Variants in PPARGC1A observed in about 807,000 individuals in gnomAD.
PPARGC1A encodes the protein PPARG coactivator 1 alpha.
Under a neutral mutation model 88.7 loss-of-function variants are expected in PPARGC1A, and 25 were observed. The ratio of observed to expected loss-of-function variants is 0.28; its 90% CI spans 0.21 to 0.39. The LOEUF (loss-of-function observed/expected upper bound fraction) is 0.39, where lower values mean the gene tolerates loss of function less well. Ranked by LOEUF, PPARGC1A falls within the 10% of genes least tolerant of loss-of-function variation. The pLI is 1.00. For missense variants in PPARGC1A, 880 were observed against 968.7 expected, an observed-to-expected ratio of 0.91 and a Z score of 1.22; for synonymous variants, 363 against 355.6, an observed-to-expected ratio of 1.02 and a Z score of -0.24.
At chr4:23,829,370 G>C in intron 4 of PPARGC1A, 93 bp downstream of exon 4, 1 of 1,395,448 alleles carries the variant, frequency 7.2e-7, no homozygotes, top group South Asian at 1.3e-5. Flanking sequence ...CGGGGTCCCA[G>C]CTGAATTAAT....
intron 5 of PPARGC1A, among the ~76,000 whole-genome samples, chr4:23,826,601 C>A (rs914096923): frequency 2.0e-5 from 3 of 152,122 alleles, no homozygotes; most frequent in African/African-American, 7.2e-5. Flanking sequence ...CATGTATTTT[C>A]CGCATTTTGA....
At chr4:24,319,718 C>G in the PPARGC1A span, among the ~76,000 whole-genome samples, 40,187 of 152,014 alleles carry the variant, frequency 0.26, 5,587 homozygotes, top group African/African-American at 0.35. Context: ...TCTGCAGTTA[C>G]GGCTAATGTT....
At chr4:23,905,068 A>G (rs1359967840), upstream of PPARGC1A, among the ~76,000 whole-genome samples, 1 of 152,156 alleles carries the variant, frequency 6.6e-6, no homozygotes, top group Non-Finnish European at 1.5e-5. Flanking sequence ...CTTCTCAAAA[A>G]ACACTCGGAG....
chr4:24,044,542 G>T, the PPARGC1A span, among the ~76,000 whole-genome samples: 1 of 104,114 alleles, frequency 9.6e-6, no homozygotes, highest in African/African-American at 3.5e-5. Flanking sequence ...CAGCATTAAC[G>T]GGTTTCATTC....
chr4:24,387,814 A>AGAGAG, the PPARGC1A span, among the ~76,000 whole-genome samples: 2 of 107,984 alleles, frequency 1.9e-5, no homozygotes, highest in East Asian at 5.6e-4. Context: ...GAAAGAAAGA[A>AGAGAG]AGAAAGAAAG....
At chr4:24,376,780 C>T in the PPARGC1A span, among the ~76,000 whole-genome samples, 4 of 152,108 alleles carry the variant, frequency 2.6e-5, no homozygotes, top group African/African-American at 4.8e-5. Flanking sequence ...CCTACCTTTC[C>T]GTGATCACGT....
intron 1 of PPARGC1A, among the ~76,000 whole-genome samples, chr4:23,887,365 T>A (rs997529937): frequency 6.6e-6 from 1 of 152,230 alleles, no homozygotes; most frequent in African/African-American, 2.4e-5. Context: ...TATTAATTTA[T>A]ATTTGGCCTT....
the PPARGC1A span, among the ~76,000 whole-genome samples, chr4:24,139,119 T>C: frequency 6.6e-6 from 1 of 152,182 alleles, no homozygotes; most frequent in African/African-American, 2.4e-5. Flanking sequence ...CTAAGTTGCT[T>C]TTCTCCACTA....
chr4:23,984,468 C>T, the PPARGC1A span, among the ~76,000 whole-genome samples: 2,209 of 152,040 alleles, frequency 0.015, 57 homozygotes, highest in African/African-American at 0.051. Flanking sequence ...CCAAGGTTTC[C>T]GTATCATGTG....
intron 7 of PPARGC1A, among the ~76,000 whole-genome samples, chr4:23,821,652 T>C (rs904444878): frequency 6.6e-6 from 1 of 152,062 alleles, no homozygotes; most frequent in African/African-American, 2.4e-5. Context: ...TAATTAAATA[T>C]CTAATATTTA....
At chr4:24,040,229 C>T in the PPARGC1A span, among the ~76,000 whole-genome samples, 1 of 152,148 alleles carries the variant, frequency 6.6e-6, no homozygotes, top group East Asian at 1.9e-4. Context: ...CCAATCCAGC[C>T]ACATACACAC....
chr4:24,337,965 G>A, the PPARGC1A span, among the ~76,000 whole-genome samples: 2 of 152,232 alleles, frequency 1.3e-5, no homozygotes, highest in Non-Finnish European at 2.9e-5. Flanking sequence ...CTGCAGGGGT[G>A]GCTTTCCTAC....
At chr4:24,300,324 A>C in the PPARGC1A span, among the ~76,000 whole-genome samples, 1 of 44,998 alleles carries the variant, frequency 2.2e-5, no homozygotes, top group African/African-American at 7.1e-5. Context: ...ATACAATAGC[A>C]TTTTTTTTTT....
chr4:23,963,493 T>C, the PPARGC1A span, among the ~76,000 whole-genome samples: 9 of 152,190 alleles, frequency 5.9e-5, no homozygotes, highest in Non-Finnish European at 1.3e-4. Context: ...GTTACATGGG[T>C]ATTTAATGCC....
At chr4:24,208,682 A>AAAT in the PPARGC1A span, among the ~76,000 whole-genome samples, 20 of 135,000 alleles carry the variant, frequency 1.5e-4, no homozygotes, top group African/African-American at 3.5e-4. Flanking sequence ...TCAGAAAAAA[A>AAAT]ATATATATAT....
chr4:24,143,588 TAGAC>T, the PPARGC1A span, among the ~76,000 whole-genome samples: 1 of 151,466 alleles, frequency 6.6e-6, no homozygotes, highest in African/African-American at 2.4e-5. Flanking sequence ...GCCCACATAT[TAGAC>T]AGATAGATGG....
chr4:23,983,827 G>A, the PPARGC1A span, among the ~76,000 whole-genome samples: 1 of 151,818 alleles, frequency 6.6e-6, no homozygotes, highest in African/African-American at 2.4e-5. Flanking sequence ...CACACCACCA[G>A]CACCTCTCAT....
chr4:24,091,391 A>G, the PPARGC1A span: 1 of 937,894 alleles, frequency 1.1e-6, no homozygotes, highest in Non-Finnish European at 1.3e-6. Flanking sequence ...AAATTGATGT[A>G]CGCATATTAC....
chr4:24,134,788 C>T, the PPARGC1A span, among the ~76,000 whole-genome samples: 3 of 152,152 alleles, frequency 2.0e-5, no homozygotes, highest in African/African-American at 7.2e-5. Flanking sequence ...GAACAGGAAA[C>T]ATGAAGTTGA....
Sources: allele counts gnomAD v4.1 joint callset (sites outside exome capture counted in the v4.1 genomes callset), GRCh38; gene constraint gnomAD v4.1.1; transcripts MANE v1.5; gene names NCBI Gene and HGNC (gene_info 2026-07-23, HGNC 2026-07-21).